The following NAALADL2 variants were observed in gnomAD, a reference collection of about 807,000 sequenced individuals.
NAALADL2 encodes N-acetylated alpha-linked acidic dipeptidase like 2, also known as inactive N-acetylated-alpha-linked acidic dipeptidase-like protein 2.
In NAALADL2, 76 loss-of-function variants were observed where a neutral mutation model predicts 87.2. The observed-to-expected ratio is 0.87, with a 90% CI of 0.72 to 1.05. The LOEUF is 1.05. Ranked by LOEUF, NAALADL2 falls within the 50% of genes least tolerant of loss-of-function variation. The pLI, the probability that NAALADL2 is intolerant of heterozygous loss-of-function variation, is 0.00. For synonymous variants in NAALADL2, 354 were observed against 331.0 expected, an observed-to-expected ratio of 1.07 and a Z score of -0.75; for missense variants, 1,089 against 945.8, an observed-to-expected ratio of 1.15 and a Z score of -1.99.
chr3:175,436,239 C>A (rs1254564848), intron 5 of NAALADL2, among the ~76,000 whole-genome samples: 3 of 143,102 alleles, frequency 2.1e-5, no homozygotes, highest in Non-Finnish European at 3.0e-5. Context: ...TTTTCTTAAT[C>A]CAGTCTATCA....
At chr3:175,113,770 G>A (rs535568506) in intron 2 of NAALADL2, among the ~76,000 whole-genome samples, 1 of 151,434 alleles carries the variant, frequency 6.6e-6, no homozygotes, top group Admixed American at 6.6e-5. Context: ...TTTTTATGCT[G>A]GACAATAAGC....
intron 2 of NAALADL2, among the ~76,000 whole-genome samples, chr3:175,211,248 G>T (rs193137469): frequency 6.0e-4 from 91 of 151,922 alleles, no homozygotes; most frequent in African/African-American, 2.1e-3. Context: ...AGATACTTCA[G>T]AATCTTTATT....
chr3:175,623,780 A>G (rs941477417), intron 10 of NAALADL2, among the ~76,000 whole-genome samples: 1 of 152,038 alleles, frequency 6.6e-6, no homozygotes, highest in Non-Finnish European at 1.5e-5. Context: ...CATAGGTGAT[A>G]TCAATATGGA....
chr3:174,494,984 C>T (rs1718423291), intron 1 of NAALADL2, among the ~76,000 whole-genome samples: 1 of 151,986 alleles, frequency 6.6e-6, no homozygotes, highest in African/African-American at 2.4e-5. Flanking sequence ...GCAGCTTGCC[C>T]AAGTCAGCAA....
intron 9 of NAALADL2, among the ~76,000 whole-genome samples, chr3:175,507,320 G>T (rs1456535402): frequency 1.3e-5 from 2 of 152,038 alleles, no homozygotes; most frequent in African/African-American, 4.8e-5. Context: ...CATTGGAAAA[G>T]GTCAGTGGGG....
intron 13 of NAALADL2, among the ~76,000 whole-genome samples, chr3:175,757,231 G>A (rs534776832): frequency 5.9e-5 from 9 of 152,060 alleles, no homozygotes; most frequent in Admixed American, 1.3e-4. Flanking sequence ...CTAAGGAATC[G>A]ATGTATGGTA....
intron 10 of NAALADL2, among the ~76,000 whole-genome samples, chr3:175,603,332 C>A (rs13074977): frequency 1.3e-5 from 2 of 151,998 alleles, no homozygotes; most frequent in Admixed American, 6.6e-5. Context: ...ATAAAATTTA[C>A]CATCTTAAAA....
At chr3:175,235,652 CT>C (rs1364590905) in intron 3 of NAALADL2, 1 of 152,248 alleles carries the variant, frequency 6.6e-6, no homozygotes, top group Non-Finnish European at 1.5e-5. Flanking sequence ...CATTTTCAAC[CT>C]CTTCTTTATC....
chr3:174,693,320 G>A (rs1010030372), intron 2 of NAALADL2, among the ~76,000 whole-genome samples: 2 of 152,092 alleles, frequency 1.3e-5, no homozygotes, highest in African/African-American at 4.8e-5. Context: ...TGTTTTACTT[G>A]GTAGAAGTGG....
At position 175,551,286 on chromosome 3, in the gene NAALADL2, A is replaced by C. The variant is rs370546757; in HGVS notation, c.1654-24755A>C. On this transcript the variant is annotated intron_variant, in intron 9 of 13. Transcript: ENST00000454872. ...CATTTTGATTGTATCTAGAGACTGC[A>C]GCAAGATAGGCTTTCAGAGAGTGTC... Among the ~76,000 whole-genome samples, 4 of 152,182 alleles carry C rather than the reference A, an allele frequency of 2.6e-5. No individual in the cohort carries two copies. In the East Asian group the frequency reaches 7.7e-4, roughly 29 times the overall value.
intron 5 of NAALADL2, among the ~76,000 whole-genome samples, chr3:175,343,233 T>C (rs1762747901): frequency 6.6e-6 from 1 of 152,066 alleles, no homozygotes; most frequent in African/African-American, 2.4e-5. Context: ...TAATTTTTCT[T>C]AACAAACTAT....
At position 174,615,968 on chromosome 3, in the gene NAALADL2, G is replaced by T. The variant is rs904029241; in HGVS notation, c.-115+65331G>T. ...GTACATTGAAAATGTTCTGTAGAAG[G>T]TTAACTCCAAAGCACAGAAGTGAAT... is the stretch of plus-strand genomic sequence containing the variant. On this transcript the variant is annotated intron_variant, in intron 2 of 3. Coordinates refer to the NAALADL2 transcript ENST00000434257. 1.3e-5 allele frequency among the ~76,000 whole-genome samples: 2 copies of T among 151,882 alleles called. 1 individual carries two copies. Among genetic ancestry groups the T allele is most frequent in the Admixed American group, 1.3e-4 (2 of 15,230 alleles).
intron 1 of NAALADL2, among the ~76,000 whole-genome samples, chr3:174,911,703 T>G (rs1579485799): frequency 2.0e-5 from 3 of 152,230 alleles, no homozygotes; most frequent in Admixed American, 2.0e-4. Context: ...AAAGGAGCCC[T>G]AGTACACCTT....
chr3:174,474,137 A>G (rs1288888772), intron 1 of NAALADL2, among the ~76,000 whole-genome samples: 7 of 152,188 alleles, frequency 4.6e-5, no homozygotes, highest in Non-Finnish European at 7.3e-5. Context: ...AAGCCAAACC[A>G]TATCAGAGGC....
At chr3:174,857,470 G>C (rs1369025512), upstream of NAALADL2, among the ~76,000 whole-genome samples, 1 of 152,086 alleles carries the variant, frequency 6.6e-6, no homozygotes, top group East Asian at 1.9e-4. Context: ...TCAGCTCATA[G>C]ATAATGGGTG....
chr3:175,685,654 C>G (rs1736179051), intron 11 of NAALADL2, among the ~76,000 whole-genome samples: 1 of 152,062 alleles, frequency 6.6e-6, no homozygotes, highest in Non-Finnish European at 1.5e-5. Context: ...TATTTTCAAT[C>G]TGAGTCCAAA....
intron 6 of NAALADL2, among the ~76,000 whole-genome samples, chr3:175,458,466 T>C (rs904323772): frequency 1.7e-5 from 2 of 120,062 alleles, no homozygotes; most frequent in African/African-American, 5.4e-5. Context: ...CATATATAGA[T>C]ATGTTCTCAT....
intron 4 of NAALADL2, among the ~76,000 whole-genome samples, chr3:175,299,998 G>A (rs536689324): frequency 6.6e-6 from 1 of 152,124 alleles, no homozygotes; most frequent in Admixed American, 6.5e-5. Flanking sequence ...TAGGATGAAG[G>A]GGTGTTGAAT....
chr3:174,647,862 G>A (rs1723956437), intron 2 of NAALADL2, among the ~76,000 whole-genome samples: 1 of 152,172 alleles, frequency 6.6e-6, no homozygotes, highest in Non-Finnish European at 1.5e-5. Flanking sequence ...ATCATATAGT[G>A]TTTGCTCACA....
Sources: allele counts gnomAD v4.1 joint callset (sites outside exome capture counted in the v4.1 genomes callset), GRCh38; gene constraint gnomAD v4.1.1; transcripts MANE v1.5; gene names NCBI Gene and HGNC (gene_info 2026-07-23, HGNC 2026-07-21).